Variants in ZNF385D observed in about 807,000 individuals in gnomAD.
ZNF385D encodes zinc finger protein 659.
Under a neutral mutation model 35.8 loss-of-function variants are expected in ZNF385D, and 15 were observed. The ratio of observed to expected loss-of-function variants is 0.42; its 90% CI spans 0.28 to 0.64. The LOEUF (loss-of-function observed/expected upper bound fraction) is 0.64. Among genes scored for constraint, ZNF385D ranks in the 30% least tolerant of loss-of-function variants. ZNF385D has a pLI of 0.23. For missense variants in ZNF385D, 474 were observed against 494.6 expected (o/e 0.96, Z 0.39); for synonymous variants, 212 against 186.8 (o/e 1.13, Z -1.10).
intron 3 of ZNF385D, among the ~76,000 whole-genome samples, chr3:21,519,551 C>T (rs1201596080): frequency 6.6e-6 from 1 of 152,124 alleles, no homozygotes; most frequent in African/African-American, 2.4e-5. Flanking sequence ...TCCTTGAACT[C>T]TAAAGGAGAA....
chr3:21,480,439 G>T (rs1704544760), intron 4 of ZNF385D, among the ~76,000 whole-genome samples: 1 of 151,964 alleles, frequency 6.6e-6, no homozygotes, highest in Non-Finnish European at 1.5e-5. Flanking sequence ...TCACTTGTGT[G>T]GGAAAAAGGA....
intron 1 of ZNF385D, among the ~76,000 whole-genome samples, chr3:21,702,177 C>T (rs955490371): frequency 6.6e-6 from 1 of 152,216 alleles, no homozygotes; most frequent in Non-Finnish European, 1.5e-5. Flanking sequence ...AAACTTTTGC[C>T]TGGGCATCCA....
chr3:21,600,509 A>G (rs181927267), intron 2 of ZNF385D, among the ~76,000 whole-genome samples: 1 of 152,378 alleles, frequency 6.6e-6, no homozygotes, highest in Non-Finnish European at 1.5e-5. Flanking sequence ...AATTAAAACA[A>G]GAAAAAAACA....
chr3:22,239,811 T>C (rs1699386739), intron 2 of ZNF385D, among the ~76,000 whole-genome samples: 1 of 150,880 alleles, frequency 6.6e-6, no homozygotes, highest in African/African-American at 2.5e-5. Flanking sequence ...AATGAGTTTT[T>C]CATATAATGC....
At chr3:21,765,044 T>C (rs566295397) in intron 3 of ZNF385D, among the ~76,000 whole-genome samples, 26 of 152,268 alleles carry the variant, frequency 1.7e-4, no homozygotes, top group African/African-American at 6.0e-4. Context: ...ATATCTGCAG[T>C]GGCCAGAAAT....
At chr3:21,460,343 A>T (rs1409814758) in intron 4 of ZNF385D, among the ~76,000 whole-genome samples, 1 of 152,184 alleles carries the variant, frequency 6.6e-6, no homozygotes, top group Non-Finnish European at 1.5e-5. Context: ...GTGTTTAACT[A>T]TTTCATAGAC....
At chr3:21,603,298 C>T (rs542035387) in intron 2 of ZNF385D, among the ~76,000 whole-genome samples, 4 of 152,280 alleles carry the variant, frequency 2.6e-5, no homozygotes, top group East Asian at 1.9e-4. Flanking sequence ...CACATTAGTG[C>T]GACAGTTCTG....
intron 3 of ZNF385D, among the ~76,000 whole-genome samples, chr3:21,834,739 G>T (rs141942761): frequency 2.0e-5 from 3 of 149,092 alleles, no homozygotes; most frequent in Non-Finnish European, 4.4e-5. Context: ...TAATCCCCAC[G>T]TGTCGACAGT....
In ZNF385D at chr3:21,941,788, T is replaced by C. The variant is rs754375059; in HGVS notation, c.325+227029A>G. ...CTGGGATTACAGGGGTGAGCCACCA[T>C]GCCCGGCCTCTTTAATTTCTGTGTT... On this transcript the variant is annotated intron_variant, in intron 3 of 5. Coordinates refer to the ZNF385D transcript ENST00000494108. Among the ~76,000 whole-genome samples the C allele has an allele frequency of 1.7e-3, 243 of 145,978 alleles. 2 individuals are homozygous for C. Among genetic ancestry groups the C allele is most frequent in the Non-Finnish European group, 3.0e-3 (199 of 66,952 alleles).
rs1465797518 is a variant in ZNF385D, at chr3:22,258,031, C to A, written c.107-88996G>T. ...TGCCTCATGCAGGAGAGGTGTTTTA[C>A]ACAAAGATCAGAGTTAAATGTTTCC... On this transcript the variant is annotated intron_variant, in intron 2 of 5. Transcript: ENST00000494108. 3.3e-5 allele frequency among the ~76,000 whole-genome samples: 5 copies of A among 151,714 alleles called. No individual in the cohort carries two copies. In the East Asian group the frequency reaches 7.8e-4, roughly 24 times the overall value.
intron 2 of ZNF385D, among the ~76,000 whole-genome samples, chr3:21,568,304 G>A (rs930144270): frequency 3.7e-4 from 56 of 152,030 alleles, no homozygotes; most frequent in Admixed American, 3.3e-3. Context: ...ACCACATGCC[G>A]TATAACTAAA....
At chr3:21,628,384 G>A (rs1376134122) in intron 2 of ZNF385D, among the ~76,000 whole-genome samples, 1 of 151,988 alleles carries the variant, frequency 6.6e-6, no homozygotes, top group Non-Finnish European at 1.5e-5. Flanking sequence ...AAAACAAGGA[G>A]GATTTAGTCC....
At chr3:22,206,359 T>C (rs530169884) in intron 2 of ZNF385D, among the ~76,000 whole-genome samples, 18 of 152,060 alleles carry the variant, frequency 1.2e-4, no homozygotes, top group African/African-American at 3.4e-4. Flanking sequence ...ACTGTCTGCA[T>C]TGGACAGATC....
chr3:21,904,403 G>A (rs1699570357), intron 3 of ZNF385D, among the ~76,000 whole-genome samples: 1 of 150,866 alleles, frequency 6.6e-6, no homozygotes, highest in Non-Finnish European at 1.5e-5. Flanking sequence ...ACAAAATAAA[G>A]TGTGGCATAG....
At chr3:21,505,708 T>C (rs971262623) in intron 4 of ZNF385D, among the ~76,000 whole-genome samples, 6 of 152,162 alleles carry the variant, frequency 3.9e-5, no homozygotes, top group African/African-American at 1.4e-4. Context: ...CTGGCCAGTT[T>C]ACAGAGGCTG....
intron 2 of ZNF385D, among the ~76,000 whole-genome samples, chr3:22,370,031 T>A (rs190463289): frequency 2.0e-5 from 3 of 152,230 alleles, no homozygotes; most frequent in African/African-American, 7.2e-5. Context: ...TTTTCTTGAA[T>A]TGCAAACATT....
chr3:22,245,272 G>A (rs1699713327), intron 2 of ZNF385D, among the ~76,000 whole-genome samples: 1 of 151,982 alleles, frequency 6.6e-6, no homozygotes, highest in African/African-American at 2.4e-5. Flanking sequence ...CTACCACATT[G>A]ATTTATTTCA....
intron 2 of ZNF385D, among the ~76,000 whole-genome samples, chr3:22,326,147 CTG>C (rs1289281819): frequency 6.6e-6 from 1 of 152,148 alleles, no homozygotes; most frequent in Non-Finnish European, 1.5e-5. Context: ...GCACTGGAGT[CTG>C]TATTTCCATT....
intron 2 of ZNF385D, among the ~76,000 whole-genome samples, chr3:22,324,783 T>A (rs1409662081): frequency 2.6e-5 from 4 of 152,146 alleles, no homozygotes. Context: ...CAATACTGTG[T>A]CCCCTTTGAC....
Sources: allele counts gnomAD v4.1 joint callset (sites outside exome capture counted in the v4.1 genomes callset), GRCh38; gene constraint gnomAD v4.1.1; transcripts MANE v1.5; gene names NCBI Gene and HGNC (gene_info 2026-07-23, HGNC 2026-07-21).